CBR4: variants seen among roughly 807,000 people sequenced by gnomAD.
CBR4 encodes carbonyl reductase 4, also known as 3-oxoacyl-[acyl-carrier-protein] reductase.
CBR4 carries 22 observed loss-of-function variants against 21.0 expected under a neutral mutation model. That is an observed-to-expected ratio of 1.05 (90% CI 0.75 to 1.50). CBR4 has a LOEUF of 1.50. CBR4 is among the 40% of genes most tolerant of loss of function. The pLI is 0.00. For synonymous variants in CBR4, 100 were observed against 104.4 expected, an observed-to-expected ratio of 0.96 and a Z score of 0.26; for missense variants, 302 against 286.3, an observed-to-expected ratio of 1.05 and a Z score of -0.40.
chr4:168,989,124 T>C lies in CBR4; in HGVS notation c.*1026A>G. On this transcript the variant is annotated 3_prime_UTR_variant, in exon 5 of 5. Transcript: ENST00000306193. ...TTAATTTAATGTTATTGCATATTTA[T>C]TTATTTTTTATGCTTATTCATACAG... 1 of 971,878 alleles carries C rather than the reference T, an allele frequency of 1.0e-6. No homozygotes were observed. Among genetic ancestry groups the C allele is most frequent in the Non-Finnish European group, 1.2e-6 (1 of 817,506 alleles). 60.2% of individuals were successfully genotyped at this position (971,878 alleles called of 1,614,324 possible). A position where few individuals can be genotyped will look rare whatever the true frequency, so the allele number is the denominator to read the frequency against.
chr4:168,975,961 T>A (rs1764359541), intron 2 of CBR4, among the ~76,000 whole-genome samples: 1 of 152,164 alleles, frequency 6.6e-6, no homozygotes, highest in African/African-American at 2.4e-5. Flanking sequence ...GCACTGGAGT[T>A]ATATCCAGTC....
At chr4:168,941,835 T>A (rs1763272058) in intron 2 of CBR4, among the ~76,000 whole-genome samples, 1 of 152,154 alleles carries the variant, frequency 6.6e-6, no homozygotes, top group African/African-American at 2.4e-5. Context: ...AGCTTTTTTA[T>A]ATAGTTAGTT....
chr4:169,006,674 T>C (rs3762914), intron 3 of CBR4, 81 bp downstream of exon 3: 135,462 of 1,255,152 alleles, frequency 0.11, 8,011 homozygotes, highest in Middle Eastern at 0.18. Flanking sequence ...TGTTTCACAA[T>C]AAATCACAAA....
intron 3 of CBR4, among the ~76,000 whole-genome samples, chr4:169,003,971 G>C (rs528799937): frequency 6.6e-6 from 1 of 152,288 alleles, no homozygotes; most frequent in African/African-American, 2.4e-5. Flanking sequence ...GGGAGGGATA[G>C]CATTGGGAGA....
At chr4:168,935,865 A>G (rs1763098209) in intron 2 of CBR4, among the ~76,000 whole-genome samples, 1 of 152,206 alleles carries the variant, frequency 6.6e-6, no homozygotes, top group Non-Finnish European at 1.5e-5. Flanking sequence ...CCTGCCTGCC[A>G]GCTCTGAAGA....
At chr4:168,944,884 C>A (rs1246934428) in intron 2 of CBR4, among the ~76,000 whole-genome samples, 1 of 152,126 alleles carries the variant, frequency 6.6e-6, no homozygotes, top group African/African-American at 2.4e-5. Context: ...CCAGAAATAT[C>A]AATCATAAAC....
intron 2 of CBR4, among the ~76,000 whole-genome samples, chr4:168,946,484 T>C (rs1313104964): frequency 6.6e-6 from 1 of 152,208 alleles, no homozygotes; most frequent in Non-Finnish European, 1.5e-5. Flanking sequence ...CTGCACCATG[T>C]GTGATACTGT....
At chr4:168,987,383 T>G (rs1194169356), downstream of CBR4, among the ~76,000 whole-genome samples, 1 of 152,218 alleles carries the variant, frequency 6.6e-6, no homozygotes, top group South Asian at 2.1e-4. Flanking sequence ...ATATCCAATA[T>G]ACTCAGAGAT....
At chr4:168,905,794 T>C (rs377506720) in intron 2 of CBR4, among the ~76,000 whole-genome samples, 24 of 143,954 alleles carry the variant, frequency 1.7e-4, no homozygotes, top group African/African-American at 4.4e-4. Flanking sequence ...TTTTTTCTTT[T>C]TTTTTTTTTT....
intron 2 of CBR4, among the ~76,000 whole-genome samples, chr4:168,929,109 T>G (rs2126646706): frequency 6.6e-6 from 1 of 152,080 alleles, no homozygotes; most frequent in East Asian, 1.9e-4. Flanking sequence ...CAAGGATACA[T>G]AAAATACAGC....
intron 4 of CBR4, chr4:169,001,151 ATTT>A (rs200561073): frequency 4.5e-5 from 6 of 132,296 alleles, no homozygotes; most frequent in East Asian, 2.1e-4. Context: ...CACCCAGCTA[ATTT>A]TTTTTTTTTT....
intron 2 of CBR4, among the ~76,000 whole-genome samples, chr4:168,972,055 C>T (rs1764228295): frequency 6.6e-6 from 1 of 152,144 alleles, no homozygotes; most frequent in African/African-American, 2.4e-5. Flanking sequence ...GTGCTTTCCC[C>T]CACTTTATGT....
At chr4:168,978,462 T>G (rs371821667) in intron 2 of CBR4, among the ~76,000 whole-genome samples, 1 of 152,060 alleles carries the variant, frequency 6.6e-6, no homozygotes, top group African/African-American at 2.4e-5. Flanking sequence ...GTAGTCAACA[T>G]AAAACAGAAA....
chr4:168,939,032 G>A (rs147538707), intron 2 of CBR4, among the ~76,000 whole-genome samples: 100 of 152,202 alleles, frequency 6.6e-4, no homozygotes, highest in African/African-American at 2.3e-3. Flanking sequence ...GATGAACATC[G>A]TTGCAAAAAT....
chr4:168,988,367 A>C lies in CBR4; in HGVS notation c.*1783T>G. The C allele has an allele frequency of 2.0e-6, 2 of 985,420 alleles. No homozygotes were observed. The highest frequency in any genetic ancestry group is 2.4e-6 in the Non-Finnish European group (2 of 829,902). 61.0% of individuals were successfully genotyped at this position (985,420 alleles called of 1,614,324 possible). ...TAAACCTATCTATAACCTACATCTT[A>C]ATGTCAGCAAAACATACTGCTTTCT... On this transcript the variant is annotated 3_prime_UTR_variant, in exon 5 of 5. Coordinates refer to ENST00000306193, the MANE Select transcript of CBR4 (RefSeq NM_032783.5).
rs1251459452 is a variant in CBR4 at position 168,963,494 on chromosome 4, G to T, written n.169+38577C>A. ...TCTTTTTTTTTTTTTTTTTGAGATG[G>T]AGTCTCACTCTTGTCACCCAGCCTA... is the stretch of plus-strand genomic sequence containing the variant. On this transcript the variant is annotated intron_variant and non_coding_transcript_variant, in intron 2 of 3. Transcript: ENST00000509108. Among the ~76,000 whole-genome samples the T allele has an allele frequency of 2.7e-5, 4 of 148,738 alleles. No individual in the cohort carries two copies. In the East Asian group the frequency reaches 5.9e-4, roughly 22 times the overall value.
chr4:168,976,488 A>G (rs1362387328), intron 2 of CBR4, among the ~76,000 whole-genome samples: 4 of 152,202 alleles, frequency 2.6e-5, no homozygotes, highest in African/African-American at 9.6e-5. Flanking sequence ...TGGGATTATC[A>G]TTAGTTCTTA....
intron 3 of CBR4, among the ~76,000 whole-genome samples, chr4:169,004,397 A>G (rs372031335): frequency 6.6e-6 from 1 of 152,170 alleles, no homozygotes; most frequent in Admixed American, 6.6e-5. Flanking sequence ...CATTTCATGA[A>G]AGATTTCTCT....
intron 2 of CBR4, among the ~76,000 whole-genome samples, chr4:168,969,385 C>T (rs1039058559): frequency 2.0e-5 from 3 of 152,130 alleles, no homozygotes; most frequent in African/African-American, 7.2e-5. Flanking sequence ...TCCTTGGATC[C>T]TGTGAATTTT....
Sources: allele counts gnomAD v4.1 joint callset (sites outside exome capture counted in the v4.1 genomes callset), GRCh38; gene constraint gnomAD v4.1.1; transcripts MANE v1.5; gene names NCBI Gene and HGNC (gene_info 2026-07-23, HGNC 2026-07-21).